The following MAF variants were observed in gnomAD, a reference collection of about 807,000 sequenced individuals.
The protein encoded by MAF is MAF bZIP transcription factor.
A neutral mutation model predicts 22.0 loss-of-function variants in MAF; 10 were observed. That is an observed-to-expected ratio of 0.45 (90% confidence interval 0.28 to 0.77). The LOEUF (loss-of-function observed/expected upper bound fraction) is 0.77. Ranked by LOEUF, MAF falls within the 30% of genes least tolerant of loss-of-function variation. The pLI, the probability that MAF is intolerant of heterozygous loss-of-function variation, is 0.12. For synonymous variants in MAF, 337 were observed against 255.8 expected, an observed-to-expected ratio of 1.32 and a Z score of -3.03; for missense variants, 544 against 548.4, an observed-to-expected ratio of 0.99 and a Z score of 0.08.
the MAF span, among the ~76,000 whole-genome samples, chr16:79,385,337 G>T: frequency 6.6e-6 from 1 of 152,186 alleles, no homozygotes; most frequent in Non-Finnish European, 1.5e-5. Flanking sequence ...TTAACAGACT[G>T]CCACTTCTAA....
the MAF span, among the ~76,000 whole-genome samples, chr16:79,277,667 G>C: frequency 6.6e-6 from 1 of 152,212 alleles, no homozygotes; most frequent in African/African-American, 2.4e-5. Flanking sequence ...ACAGACACTA[G>C]TCAAACTATC....
chr16:79,539,399 G>A, the MAF span, among the ~76,000 whole-genome samples: 1 of 152,128 alleles, frequency 6.6e-6, no homozygotes, highest in Admixed American at 6.5e-5. Context: ...ACTACTAGAG[G>A]GGGCTGAGGC....
chr16:79,599,349 T>A lies in MAF; in HGVS notation c.554A>T (p.His185Leu). ...SGAGPHYHHHHHHAAGHHHHP... is the reference protein window; with the variant it reads ...SGAGPHYHHHLHHAAGHHHHP... ...GTGGTGGTGGCCGGCGGCGTGGTGG[T>A]GGTGGTGGTGGTAGTGCGGGCCCGC... The change falls in exon 1 of 2, where the codon CAC becomes CTC. Residue 185 changes from histidine (H) to leucine (L), a missense_variant. By Grantham distance (99) the His-to-Leu change is moderately conservative. Around this residue, in one of 5 missense-constraint regions of MAF, gnomAD observed 342 missense variants for 315.5 expected, o/e 1.08. Coordinates refer to ENST00000326043, the MANE Select transcript of MAF (RefSeq NM_005360.5). The A allele has an allele frequency of 1.8e-5, 18 of 989,388 alleles. No individual in the cohort carries two copies. Among genetic ancestry groups the A allele is most frequent in the Non-Finnish European group, 2.2e-5 (18 of 835,274 alleles). 61.3% of individuals were successfully genotyped at this position (989,388 alleles called of 1,614,324 possible).
the MAF span, among the ~76,000 whole-genome samples, chr16:79,465,706 C>G: frequency 1.3e-5 from 2 of 152,294 alleles, no homozygotes; most frequent in East Asian, 3.9e-4. Flanking sequence ...CCTTCACCAT[C>G]ATGAGCTTTG....
chr16:79,556,570 T>G, the MAF span, among the ~76,000 whole-genome samples: 8 of 152,356 alleles, frequency 5.3e-5, no homozygotes, highest in African/African-American at 1.9e-4. Flanking sequence ...GGTGGTATTT[T>G]CTGATGAAAT....
chr16:79,536,672 A>T, the MAF span, among the ~76,000 whole-genome samples: 1 of 151,966 alleles, frequency 6.6e-6, no homozygotes, highest in Non-Finnish European at 1.5e-5. Context: ...ATTGAGAAAA[A>T]ATTTTAAAAA....
At chr16:79,477,179 G>A in the MAF span, among the ~76,000 whole-genome samples, 2 of 152,194 alleles carry the variant, frequency 1.3e-5, no homozygotes, top group African/African-American at 2.4e-5. Flanking sequence ...GGCTGAAGCT[G>A]TCAATGACAC....
chr16:79,502,714 T>A, the MAF span, among the ~76,000 whole-genome samples: 619 of 12,540 alleles, frequency 0.049, 7 homozygotes, highest in East Asian at 0.21. Flanking sequence ...TATAAATATA[T>A]ATATATATAT....
chr16:79,544,201 G>T, the MAF span, among the ~76,000 whole-genome samples: 1 of 152,128 alleles, frequency 6.6e-6, no homozygotes, highest in Non-Finnish European at 1.5e-5. Context: ...TAAATTTACA[G>T]TTCAACACAG....
chr16:79,503,692 G>C, the MAF span, among the ~76,000 whole-genome samples: 1 of 152,176 alleles, frequency 6.6e-6, no homozygotes, highest in Admixed American at 6.5e-5. Context: ...TCACATGAGT[G>C]TTCCTGCTTC....
chr16:79,517,903 C>T, the MAF span, among the ~76,000 whole-genome samples: 5 of 152,256 alleles, frequency 3.3e-5, no homozygotes, highest in South Asian at 8.3e-4. Context: ...AAAGTTGGAG[C>T]TCTGAAAACA....
the MAF span, among the ~76,000 whole-genome samples, chr16:79,423,380 T>C: frequency 1.2e-4 from 18 of 152,132 alleles, no homozygotes; most frequent in Non-Finnish European, 2.5e-4. Flanking sequence ...AGATGTGATG[T>C]GATGTCAGCC....
the MAF span, among the ~76,000 whole-genome samples, chr16:79,243,762 A>T: frequency 1.3e-5 from 2 of 152,014 alleles, no homozygotes; most frequent in Non-Finnish European, 2.9e-5. Flanking sequence ...AGACACAACA[A>T]AAAAAGAAAA....
At chr16:79,467,153 A>G in the MAF span, among the ~76,000 whole-genome samples, 4 of 152,172 alleles carry the variant, frequency 2.6e-5, no homozygotes, top group African/African-American at 9.7e-5. Flanking sequence ...GTGGCCTCCA[A>G]GGGTCCCTCC....
the MAF span, among the ~76,000 whole-genome samples, chr16:79,452,810 G>C: frequency 6.6e-6 from 1 of 152,174 alleles, no homozygotes; most frequent in Admixed American, 6.5e-5. Flanking sequence ...TTGGCTGAAA[G>C]GGAGATTACC....
chr16:79,538,911 AAG>A, the MAF span, among the ~76,000 whole-genome samples: 1 of 149,198 alleles, frequency 6.7e-6, no homozygotes, highest in African/African-American at 2.5e-5. Context: ...AAGAAAGAAA[AAG>A]AAATCACCCA....
the MAF span, among the ~76,000 whole-genome samples, chr16:79,427,517 G>A: frequency 1.3e-5 from 2 of 152,218 alleles, no homozygotes; most frequent in Admixed American, 1.3e-4. Context: ...ACTTGGGACT[G>A]TGTTTGGAGA....
chr16:79,263,811 G>C, the MAF span, among the ~76,000 whole-genome samples: 7 of 152,118 alleles, frequency 4.6e-5, no homozygotes, highest in East Asian at 1.4e-3. Flanking sequence ...TACTTTCCAA[G>C]AGTTCTGCTC....
the MAF span, among the ~76,000 whole-genome samples, chr16:79,306,613 A>G: frequency 1.3e-5 from 2 of 152,206 alleles, no homozygotes. Flanking sequence ...AGGAAAAACT[A>G]TGGGGGAAAG....
Sources: allele counts gnomAD v4.1 joint callset (sites outside exome capture counted in the v4.1 genomes callset), GRCh38; gene constraint gnomAD v4.1.1; regional missense constraint gnomAD v4.1.1; transcripts MANE v1.5; gene names NCBI Gene and HGNC (gene_info 2026-07-23, HGNC 2026-07-21).